ABTB3: variants seen among roughly 807,000 people sequenced by gnomAD.
The protein encoded by ABTB3 is ankyrin repeat- and BTB/POZ domain-containing protein 3.
chr12:107,569,244 G>A, the ABTB3 span, among the ~76,000 whole-genome samples: 1 of 152,164 alleles, frequency 6.6e-6, no homozygotes. Flanking sequence ...TCTGGTTTGG[G>A]TTGTGGAAAA....
chr12:107,350,446 G>T, the ABTB3 span, among the ~76,000 whole-genome samples: 1 of 152,010 alleles, frequency 6.6e-6, no homozygotes, highest in East Asian at 1.9e-4. Context: ...CCAGCTACTG[G>T]GGAGTCTGAG....
At chr12:107,395,426 C>A in the ABTB3 span, among the ~76,000 whole-genome samples, 8 of 152,208 alleles carry the variant, frequency 5.3e-5, no homozygotes, top group Non-Finnish European at 1.0e-4. Context: ...CCCTGACACA[C>A]AACTTACTGC....
the ABTB3 span, among the ~76,000 whole-genome samples, chr12:107,406,231 C>T: frequency 6.6e-6 from 1 of 152,124 alleles, no homozygotes; most frequent in Admixed American, 6.5e-5. Flanking sequence ...CAGAAGCACC[C>T]CATAAATGGA....
At chr12:107,657,397 C>T in the ABTB3 span, 2 of 909,768 alleles carry the variant, frequency 2.2e-6, no homozygotes, top group Non-Finnish European at 3.5e-6. Context: ...CAGAGACATT[C>T]TGCAGCCAGT....
At chr12:107,436,427 G>A in the ABTB3 span, among the ~76,000 whole-genome samples, 1 of 152,326 alleles carries the variant, frequency 6.6e-6, no homozygotes, top group African/African-American at 2.4e-5. Flanking sequence ...CTGGGGCTGT[G>A]TTTTCTATAC....
the ABTB3 span, among the ~76,000 whole-genome samples, chr12:107,474,835 T>C: frequency 1.3e-5 from 2 of 152,012 alleles, no homozygotes; most frequent in Non-Finnish European, 2.9e-5. Context: ...CACTGAGTCA[T>C]ATTCTCCAGG....
At chr12:107,534,115 C>A in the ABTB3 span, among the ~76,000 whole-genome samples, 198 of 152,080 alleles carry the variant, frequency 1.3e-3, 1 homozygote, top group Non-Finnish European at 2.4e-3. Context: ...AGGAGGATCA[C>A]CAGAGCCAAG....
chr12:107,615,064 G>A, the ABTB3 span: 5 of 1,612,254 alleles, frequency 3.1e-6, no homozygotes, highest in Non-Finnish European at 4.2e-6. Context: ...TTTATAGGTT[G>A]TCAGTACTCC....
the ABTB3 span, among the ~76,000 whole-genome samples, chr12:107,450,809 G>C: frequency 6.6e-6 from 1 of 152,096 alleles, no homozygotes; most frequent in Non-Finnish European, 1.5e-5. Context: ...AGGCAGGAGG[G>C]GGAGGGGAGG....
the ABTB3 span, among the ~76,000 whole-genome samples, chr12:107,480,593 A>G: frequency 6.6e-6 from 1 of 152,232 alleles, no homozygotes; most frequent in Admixed American, 6.5e-5. Flanking sequence ...AAGGAAAGAT[A>G]CAGCTGATCC....
At chr12:107,595,618 G>A in the ABTB3 span, among the ~76,000 whole-genome samples, 3 of 152,170 alleles carry the variant, frequency 2.0e-5, no homozygotes, top group Admixed American at 6.5e-5. Flanking sequence ...GAATGTGGAA[G>A]GCCTTTGATA....
the ABTB3 span, chr12:107,610,354 A>G: frequency 6.2e-7 from 1 of 1,614,098 alleles, no homozygotes. Context: ...ATGAGCGAAC[A>G]GGTACAGGGT....
the ABTB3 span, among the ~76,000 whole-genome samples, chr12:107,641,730 G>A: frequency 6.6e-6 from 1 of 152,152 alleles, no homozygotes; most frequent in Non-Finnish European, 1.5e-5. Context: ...ATGGGCACCC[G>A]AGGGGAGGGA....
chr12:107,332,534 G>C, the ABTB3 span, among the ~76,000 whole-genome samples: 3 of 152,164 alleles, frequency 2.0e-5, no homozygotes, highest in Non-Finnish European at 4.4e-5. Flanking sequence ...CTTGAGGAGG[G>C]AATATGGGAT....
At chr12:107,393,910 A>G in the ABTB3 span, among the ~76,000 whole-genome samples, 3 of 152,150 alleles carry the variant, frequency 2.0e-5, no homozygotes, top group Non-Finnish European at 4.4e-5. Flanking sequence ...AGCCTGGGCA[A>G]CAGAGTGAGA....
chr12:107,502,147 C>T, the ABTB3 span, among the ~76,000 whole-genome samples: 1 of 151,990 alleles, frequency 6.6e-6, no homozygotes, highest in South Asian at 2.1e-4. Context: ...TCACTGCAAC[C>T]TCTGCCTCCT....
At chr12:107,599,779 A>G in the ABTB3 span, among the ~76,000 whole-genome samples, 2 of 152,166 alleles carry the variant, frequency 1.3e-5, no homozygotes, top group Admixed American at 1.3e-4. Flanking sequence ...GCATGTGTGA[A>G]TTATTATGTG....
At chr12:107,550,975 A>C in the ABTB3 span, among the ~76,000 whole-genome samples, 1 of 152,232 alleles carries the variant, frequency 6.6e-6, no homozygotes, top group Non-Finnish European at 1.5e-5. Context: ...CACAAGTCAC[A>C]ACTGACTGGC....
At chr12:107,546,197 C>G in the ABTB3 span, among the ~76,000 whole-genome samples, 1 of 152,210 alleles carries the variant, frequency 6.6e-6, no homozygotes, top group African/African-American at 2.4e-5. Context: ...ATGCCAAACT[C>G]AACATCTGGA....
Sources: gnomAD v4.1 joint callset for allele counts (sites outside exome capture counted in the v4.1 genomes callset) on GRCh38, gnomAD v4.1.1 for gene constraint, MANE v1.5 for transcripts, NCBI Gene and HGNC (gene_info 2026-07-23, HGNC 2026-07-21) for gene names.